Variants in COL21A1 observed in about 807,000 individuals in gnomAD.
The protein encoded by COL21A1 is collagen alpha-1(XXI) chain.
COL21A1 carries 149 observed loss-of-function variants against 137.9 expected under a neutral mutation model. That is an observed-to-expected ratio of 1.08 (90% CI 0.95 to 1.24). The LOEUF (loss-of-function observed/expected upper bound fraction) is 1.24, where lower values mean the gene tolerates loss of function less well. Ranked by LOEUF, COL21A1 falls within the 50% of genes most tolerant of loss-of-function variation. COL21A1 has a pLI of 0.00. For missense variants in COL21A1, 1,167 were observed against 1,158.4 expected, an observed-to-expected ratio of 1.01 and a Z score of -0.11; for synonymous variants, 456 against 391.5, an observed-to-expected ratio of 1.16 and a Z score of -1.95.
At chr6:56,242,565 A>G (rs1054757917) in intron 1 of COL21A1, among the ~76,000 whole-genome samples, 1 of 152,184 alleles carries the variant, frequency 6.6e-6, no homozygotes, top group African/African-American at 2.4e-5. Context: ...ATCAAACACA[A>G]GCATCTGGCA....
intron 1 of COL21A1, among the ~76,000 whole-genome samples, chr6:56,292,391 A>ACCCCC (rs35462264): frequency 6.6e-4 from 83 of 125,224 alleles, no homozygotes; most frequent in South Asian, 1.3e-3. Flanking sequence ...CAAAACAGGG[A>ACCCCC]CCCCCCCCCT....
rs181288435 is a variant in COL21A1, at chr6:56,305,202, A to C, written c.-39+88769T>G. 5.5e-4 allele frequency among the ~76,000 whole-genome samples: 83 copies of C among 152,250 alleles called. 2 individuals are homozygous for C. In the East Asian group the frequency reaches 0.01, roughly 18 times the overall value. ...TGTGGTGTGGTGCTGAGAAGAATGT[A>C]TATTCTGTTGATTTGGGGTGGAGAG... On this transcript the variant is annotated intron_variant, in intron 1 of 28. Transcript: ENST00000370819.
intron 23 of COL21A1, among the ~76,000 whole-genome samples, 163 bp downstream of exon 23, chr6:56,067,132 T>C (rs1766331872): frequency 6.6e-6 from 1 of 151,500 alleles, no homozygotes; most frequent in Non-Finnish European, 1.5e-5. Flanking sequence ...AATTTTAAAG[T>C]CAAATTTGGT....
At chr6:56,073,862 A>C (rs1284876128) in intron 20 of COL21A1, among the ~76,000 whole-genome samples, 1 of 151,462 alleles carries the variant, frequency 6.6e-6, no homozygotes, top group Non-Finnish European at 1.5e-5. Flanking sequence ...ACCAAAAAGA[A>C]GACTAGAAAA....
At chr6:56,166,508 T>TG (rs1014660746) in intron 7 of COL21A1, among the ~76,000 whole-genome samples, 18 of 151,916 alleles carry the variant, frequency 1.2e-4, no homozygotes, top group African/African-American at 4.4e-4. Context: ...AAACATTAGC[T>TG]GGGTGTGGTG....
intron 1 of COL21A1, among the ~76,000 whole-genome samples, chr6:56,351,743 G>C (rs1477416960): frequency 6.6e-6 from 1 of 152,228 alleles, no homozygotes; most frequent in African/African-American, 2.4e-5. Context: ...ACCACTGCTG[G>C]AAGAAGGTGA....
chr6:56,350,976 C>T (rs1765699624), intron 1 of COL21A1, among the ~76,000 whole-genome samples: 1 of 152,250 alleles, frequency 6.6e-6, no homozygotes, highest in Non-Finnish European at 1.5e-5. Context: ...TGTAGTCAAG[C>T]TTTAAATGGC....
chr6:56,311,884 A>G (rs1764624467), intron 1 of COL21A1, among the ~76,000 whole-genome samples: 1 of 152,194 alleles, frequency 6.6e-6, no homozygotes, highest in Admixed American at 6.5e-5. Flanking sequence ...TCCTAATGCA[A>G]TATTGGGAAG....
intron 1 of COL21A1, among the ~76,000 whole-genome samples, chr6:56,385,245 T>TTTTG (rs1444970444): frequency 6.6e-6 from 1 of 152,246 alleles, no homozygotes; most frequent in Non-Finnish European, 1.5e-5. Context: ...ATTACAGGTC[T>TTTTG]TTTGCTTTGC....
intron 1 of COL21A1, among the ~76,000 whole-genome samples, chr6:56,353,043 G>GA (rs1328711130): frequency 2.7e-5 from 4 of 150,424 alleles, no homozygotes; most frequent in South Asian, 2.1e-4. Flanking sequence ...CTGTTTCAAA[G>GA]AAAAAAAAAG....
At position 56,168,238 on chromosome 6, in the gene COL21A1, A is replaced by G; in HGVS notation, c.1086T>C (p.Thr362=). 1.3e-6 allele frequency: 2 copies of G among 1,573,400 alleles called. No homozygotes were observed. The highest frequency in any genetic ancestry group is 1.7e-6 in the Non-Finnish European group (2 of 1,156,856). ...IRLLVTEQDV[T]LYIDDQQIEN... ...CAATTTGTTGGTCATCAATATACAA[A>G]GTCACATCTTGTTCTGTTACTAAGA... Residue 362 remains threonine, a synonymous_variant, in exon 6 of 30, where the codon ACT becomes ACC. Transcript: ENST00000244728.
At chr6:56,344,661 A>G (rs1765549817) in intron 1 of COL21A1, among the ~76,000 whole-genome samples, 1 of 152,178 alleles carries the variant, frequency 6.6e-6, no homozygotes, top group South Asian at 2.1e-4. Flanking sequence ...ACGTCAAGTT[A>G]TAATCACCAA....
At chr6:56,075,995 A>G (rs1465924809) in intron 18 of COL21A1, among the ~76,000 whole-genome samples, 1 of 151,538 alleles carries the variant, frequency 6.6e-6, no homozygotes, top group East Asian at 1.9e-4. Flanking sequence ...CCTCTGTGAG[A>G]GAGTGCTGGT....
Position 56,064,586 on chromosome 6 carries a change from C to G in COL21A1, c.2164G>C (p.Gly722Arg). 1 of 1,595,174 alleles carries G rather than the reference C, an allele frequency of 6.3e-7. No homozygotes were observed. The highest frequency in any genetic ancestry group is 1.3e-5 in the African/African-American group (1 of 74,462). ...KGENGRQGIP[G>R]QQGIQGHHGA... ...AGAAAACCAAAAAATACCTGTTGCC[C>G]TGGAATTCCCTGTCTTCCATTTTCT... The change falls in exon 24 of 30, where the codon GGG becomes CGG. Residue 722 changes from glycine (G) to arginine (R), a missense_variant. Gly to Arg is a moderately radical substitution (Grantham distance 125, BLOSUM62 -2). Transcript: ENST00000244728.
chr6:56,312,547 A>G (rs1179164869), intron 1 of COL21A1, among the ~76,000 whole-genome samples: 4 of 152,208 alleles, frequency 2.6e-5, no homozygotes, highest in African/African-American at 9.6e-5. Flanking sequence ...GATATCTCTC[A>G]GATGGTCAGA....
At chr6:56,238,384 C>T (rs984493107) in intron 1 of COL21A1, among the ~76,000 whole-genome samples, 2 of 148,948 alleles carry the variant, frequency 1.3e-5, no homozygotes, top group Non-Finnish European at 3.0e-5. Flanking sequence ...AGCATGAAGG[C>T]ACCTGCTGAG....
intron 3 of COL21A1, 76 bp from the exon 4 acceptor site, chr6:56,171,204 C>A: frequency 1.0e-6 from 1 of 956,952 alleles, no homozygotes; most frequent in East Asian, 2.5e-5. Flanking sequence ...GGGAGAAATA[C>A]TAGACAATAT....
intron 1 of COL21A1, among the ~76,000 whole-genome samples, chr6:56,222,161 T>G (rs1041786561): frequency 6.6e-6 from 1 of 151,992 alleles, no homozygotes; most frequent in Non-Finnish European, 1.5e-5. Context: ...TAATCCCAAC[T>G]ACTCGGGAGG....
At chr6:56,334,495 G>A (rs6926623) in intron 1 of COL21A1, among the ~76,000 whole-genome samples, 5 of 152,078 alleles carry the variant, frequency 3.3e-5, no homozygotes, top group African/African-American at 7.2e-5. Context: ...ATGAAGAAGC[G>A]GTAAAAATAA....
Sources: gnomAD v4.1 joint callset for allele counts (sites outside exome capture counted in the v4.1 genomes callset) on GRCh38, gnomAD v4.1.1 for gene constraint, MANE v1.5 for transcripts, NCBI Gene and HGNC (gene_info 2026-07-23, HGNC 2026-07-21) for gene names.